ADCK1: variants seen among roughly 807,000 people sequenced by gnomAD.
ADCK1 encodes the protein aarF domain-containing protein kinase 1.
In ADCK1, 41 loss-of-function variants were observed where a neutral mutation model predicts 52.3. That is an observed-to-expected ratio of 0.78 (90% CI 0.61 to 1.02). The LOEUF is 1.02. Among genes scored for constraint, ADCK1 ranks in the 50% least tolerant of loss-of-function variants. ADCK1 has a pLI of 0.00. For synonymous variants in ADCK1, 250 were observed against 274.6 expected (o/e 0.91, Z 0.89); for missense variants, 658 against 679.5 (o/e 0.97, Z 0.35).
At chr14:77,893,958 C>A (rs2083340161) in intron 5 of ADCK1, among the ~76,000 whole-genome samples, 2 of 151,952 alleles carry the variant, frequency 1.3e-5, no homozygotes, top group Admixed American at 1.3e-4. Flanking sequence ...GGTCTTAAAC[C>A]CTGACCTCAG....
chr14:77,919,311 C>G (rs2083995785), intron 7 of ADCK1, among the ~76,000 whole-genome samples: 1 of 152,226 alleles, frequency 6.6e-6, no homozygotes, highest in African/African-American at 2.4e-5. Context: ...CATAGATTAG[C>G]TACCACTTAT....
At chr14:77,804,506 C>T (rs900515252) in intron 1 of ADCK1, among the ~76,000 whole-genome samples, 14 of 151,678 alleles carry the variant, frequency 9.2e-5, no homozygotes, top group Non-Finnish European at 2.1e-4. Flanking sequence ...ACTTCCCACC[C>T]AGAGGTGGTC....
At chr14:77,841,848 TAAAAA>T (rs59818962) in intron 3 of ADCK1, among the ~76,000 whole-genome samples, 2 of 109,658 alleles carry the variant, frequency 1.8e-5, no homozygotes, top group African/African-American at 3.7e-5. Context: ...TGACACTCTT[TAAAAA>T]AAAAAAAAAA....
chr14:77,852,879 GTGTGTATA>G (rs1452842239), intron 3 of ADCK1, among the ~76,000 whole-genome samples: 2 of 30,598 alleles, frequency 6.5e-5, no homozygotes, highest in African/African-American at 1.3e-4. Flanking sequence ...AATCTTTTAT[GTGTGTATA>G]TATATATATA....
At chr14:77,852,320 G>A (rs1427666565) in intron 3 of ADCK1, among the ~76,000 whole-genome samples, 1 of 152,016 alleles carries the variant, frequency 6.6e-6, no homozygotes. Context: ...CTCTTGTAGT[G>A]CAGGAGATGT....
intron 3 of ADCK1, among the ~76,000 whole-genome samples, chr14:77,844,160 AGGTTCAAGCAATTG>A (rs1210303615): frequency 4.6e-5 from 7 of 151,912 alleles, no homozygotes; most frequent in African/African-American, 1.7e-4. Flanking sequence ...CTCTGCCTGG[AGGTTCAAGCAATTG>A]GGTTCAAGCA....
At chr14:77,867,364 G>A (rs1486949077) in intron 4 of ADCK1, among the ~76,000 whole-genome samples, 1 of 152,174 alleles carries the variant, frequency 6.6e-6, no homozygotes, top group African/African-American at 2.4e-5. Context: ...GGAGGACTAG[G>A]GGCCAGGGAG....
At chr14:77,813,820 T>G (rs1187610184) in intron 1 of ADCK1, among the ~76,000 whole-genome samples, 1 of 151,670 alleles carries the variant, frequency 6.6e-6, no homozygotes, top group Non-Finnish European at 1.5e-5. Context: ...CACGCTGTAG[T>G]GCGCAGTGGT....
At chr14:77,857,258 A>G (rs963309870) in intron 3 of ADCK1, among the ~76,000 whole-genome samples, 1 of 152,140 alleles carries the variant, frequency 6.6e-6, no homozygotes, top group Admixed American at 6.5e-5. Flanking sequence ...GACTGCTGTG[A>G]GCCATGATTA....
intron 1 of ADCK1, among the ~76,000 whole-genome samples, chr14:77,806,323 A>G (rs554886062): frequency 6.6e-6 from 1 of 152,214 alleles, no homozygotes; most frequent in South Asian, 2.1e-4. Context: ...ATTAAACTAT[A>G]AACTATATTC....
At chr14:77,933,032 A>C (rs2084374597) in intron 10 of ADCK1, among the ~76,000 whole-genome samples, 188 bp from the exon 11 acceptor site, 1 of 152,176 alleles carries the variant, frequency 6.6e-6, no homozygotes, top group Admixed American at 6.5e-5. Flanking sequence ...ACTCCTTTGA[A>C]ATATTTGATT....
At chr14:77,835,988 C>T (rs184819507) in intron 3 of ADCK1, among the ~76,000 whole-genome samples, 16 of 152,256 alleles carry the variant, frequency 1.1e-4, no homozygotes, top group Admixed American at 4.6e-4. Context: ...TCTCCAAGTT[C>T]GTGTTTTAGA....
intron 3 of ADCK1, among the ~76,000 whole-genome samples, chr14:77,842,977 C>T (rs1247622363): frequency 1.3e-5 from 2 of 148,516 alleles, no homozygotes; most frequent in Non-Finnish European, 3.0e-5. Flanking sequence ...GCATCCTCCA[C>T]CTCCTGGGTT....
intron 7 of ADCK1, among the ~76,000 whole-genome samples, chr14:77,915,256 A>G (rs542407449): frequency 6.6e-6 from 1 of 151,352 alleles, no homozygotes; most frequent in Non-Finnish European, 1.5e-5. Context: ...ATATGTATAC[A>G]TGTGCCATGT....
chr14:77,843,968 C>A (rs1236745554), intron 3 of ADCK1, among the ~76,000 whole-genome samples: 1 of 152,320 alleles, frequency 6.6e-6, no homozygotes, highest in East Asian at 1.9e-4. Context: ...TGGAAACTGT[C>A]CCATTTCATA....
chr14:77,925,350 G>A (rs1040387265), intron 8 of ADCK1, among the ~76,000 whole-genome samples: 1 of 152,226 alleles, frequency 6.6e-6, no homozygotes, highest in African/African-American at 2.4e-5. Context: ...CCTCACCAGA[G>A]GTGATGGTGC....
chr14:77,876,953 G>A (rs550857116), intron 4 of ADCK1, among the ~76,000 whole-genome samples: 1 of 152,326 alleles, frequency 6.6e-6, no homozygotes, highest in South Asian at 2.1e-4. Context: ...AGTGGCTCAC[G>A]CCTGTAATCC....
chr14:77,834,189 T>G (rs2140070653), intron 3 of ADCK1, among the ~76,000 whole-genome samples: 1 of 152,338 alleles, frequency 6.6e-6, no homozygotes, highest in African/African-American at 2.4e-5. Flanking sequence ...CTGTCAACAC[T>G]TTTTCCTTTC....
chr14:77,924,262 A>G, intron 7 of ADCK1, 195 bp from the exon 8 acceptor site: 1 of 657,038 alleles, frequency 1.5e-6, no homozygotes, highest in Non-Finnish European at 2.5e-6. Flanking sequence ...TCATGATTCT[A>G]AGGTGCAGCT....
Sources: gnomAD v4.1 joint callset for allele counts (sites outside exome capture counted in the v4.1 genomes callset) on GRCh38, gnomAD v4.1.1 for gene constraint, MANE v1.5 for transcripts, NCBI Gene and HGNC (gene_info 2026-07-23, HGNC 2026-07-21) for gene names.